The following CACNA1A variants were observed in gnomAD, a reference collection of about 807,000 sequenced individuals.
CACNA1A encodes the protein calcium voltage-gated channel subunit alpha1 A, also known as voltage-dependent P/Q-type calcium channel subunit alpha-1A.
A neutral mutation model predicts 262.4 loss-of-function variants in CACNA1A; 57 were observed. The ratio of observed to expected loss-of-function variants is 0.22; its 90% CI spans 0.18 to 0.27. The LOEUF is 0.27. Among genes scored for constraint, CACNA1A ranks in the 10% least tolerant of loss-of-function variants. The pLI is 1.00. For missense variants in CACNA1A, 2,526 were observed against 3,562.8 expected (o/e 0.71, Z 7.41); for synonymous variants, 1,431 against 1,419.3 (o/e 1.01, Z -0.18).
At chr19:13,303,674 T>G (rs1476977366) in intron 16 of CACNA1A, 61 bp from the exon 17 acceptor site, 1 of 1,565,230 alleles carries the variant, frequency 6.4e-7, no homozygotes, top group Non-Finnish European at 8.8e-7. Context: ...GCCCTGGGTA[T>G]CTGGGTCTCT....
intron 3 of CACNA1A, among the ~76,000 whole-genome samples, chr19:13,411,445 T>C (rs1484019976): frequency 6.6e-6 from 1 of 152,106 alleles, no homozygotes; most frequent in African/African-American, 2.4e-5. Context: ...ATCTGATGGT[T>C]TTATAAATGG....
rs533269839 is a variant in CACNA1A, at chr19:13,307,656, T to G, written c.1986+126A>C. 4.2e-6 allele frequency: 3 copies of G among 711,524 alleles called. No individual in the cohort carries two copies. In the Admixed American group the frequency reaches 7.2e-5, roughly 17 times the overall value. The allele number at this position is 711,524 out of a possible 1,614,324, so 44.1% of individuals were successfully genotyped here. A position where few individuals can be genotyped will look rare whatever the true frequency, so the allele number is the denominator to read the frequency against. On this transcript the variant is annotated intron_variant, in intron 15 of 46. Transcript: ENST00000360228. Reference sequence around the variant, plus strand: ...ATAATGATAACCATAAAATCTGTGTTTCAAAGTGGTGTGAAAAGGCCAGGT... The same window carrying G: ...ATAATGATAACCATAAAATCTGTGTGTCAAAGTGGTGTGAAAAGGCCAGGT...
intron 34 of CACNA1A, among the ~76,000 whole-genome samples, chr19:13,234,176 C>T (rs1435933934): frequency 6.6e-6 from 1 of 151,358 alleles, no homozygotes; most frequent in South Asian, 2.1e-4. Flanking sequence ...GGTGAAACCC[C>T]GACTCTACTA....
Position 13,212,535 on chromosome 19 carries a change from C to G in CACNA1A, c.6051-13G>C. 1 of 1,557,740 alleles carries G rather than the reference C, an allele frequency of 6.4e-7. No individual in the cohort carries two copies. The highest frequency in any genetic ancestry group is 1.4e-5 in the African/African-American group (1 of 73,756). On this transcript the variant is annotated splice_polypyrimidine_tract_variant and intron_variant, in intron 41 of 46. Coordinates refer to ENST00000360228, the MANE Select transcript of CACNA1A (RefSeq NM_001127222.2). This position sits in a 1 kb window ranked among gnomAD's most constrained non-coding sequence, Gnocchi z 5.6. The stretch of plus-strand genomic sequence containing the variant: ...TTCGTGAGCCATCCTGCATGGGGGA[C>G]AGAGGCCGGGGTAGCAGTGGGCGCT...
In CACNA1A at chr19:13,334,416, C is replaced by T. The variant is rs184473835; in HGVS notation, c.1160G>A (p.Arg387His). 1.2e-6 allele frequency: 2 copies of T among 1,609,914 alleles called. No homozygotes were observed. The highest frequency in any genetic ancestry group is 1.7e-5 in the Admixed American group (1 of 59,998). ...LKLRRQQQIE[R>H]ELNGYMEWIS... ...CCACTCCATGTACCCATTGAGCTCA[C>T]GTTCAATCTGTTGTTGCCGCCTCAG... Residue 387 changes from arginine (R) to histidine (H), a missense_variant, in exon 8 of 47, where the codon CGT becomes CAT. Arg to His is a conservative substitution (Grantham distance 29). Coordinates refer to ENST00000360228, the MANE Select transcript of CACNA1A (RefSeq NM_001127222.2).
At chr19:13,358,440 A>T (rs546769004) in intron 6 of CACNA1A, among the ~76,000 whole-genome samples, 16 of 152,208 alleles carry the variant, frequency 1.1e-4, no homozygotes, top group Non-Finnish European at 2.2e-4. Flanking sequence ...ACCCGTGAAG[A>T]GACTGTCCAT....
intron 22 of CACNA1A, among the ~76,000 whole-genome samples, chr19:13,279,611 A>G (rs566931564): frequency 1.3e-5 from 2 of 151,748 alleles, no homozygotes; most frequent in Admixed American, 1.3e-4. Context: ...TCAGCCTCCA[A>G]GTGTCTGGGA....
At chr19:13,487,515 C>G (rs948055952) in intron 1 of CACNA1A, among the ~76,000 whole-genome samples, 2 of 152,144 alleles carry the variant, frequency 1.3e-5, no homozygotes, top group East Asian at 3.9e-4. Flanking sequence ...AGGGAGTGAG[C>G]GCTCAGTGAG....
At chr19:13,297,915 C>T (rs924900202) in intron 19 of CACNA1A, among the ~76,000 whole-genome samples, 1 of 151,976 alleles carries the variant, frequency 6.6e-6, no homozygotes, top group Non-Finnish European at 1.5e-5. Context: ...CAACCTACCT[C>T]CACCTCCCAG....
chr19:13,229,608 T>A (rs2055592690), intron 36 of CACNA1A: 1 of 153,898 alleles, frequency 6.5e-6, no homozygotes, highest in South Asian at 2.0e-4. Flanking sequence ...GTCCTCTCAC[T>A]CCCAGGTTCA....
At chr19:13,238,809 ACTC>A (rs948073843) in intron 31 of CACNA1A, among the ~76,000 whole-genome samples, 1 of 151,564 alleles carries the variant, frequency 6.6e-6, no homozygotes, top group African/African-American at 2.4e-5. Context: ...CTGGTCTCGA[ACTC>A]CTGACCTCAG....
In CACNA1A at chr19:13,208,928, T is replaced by C. The variant is rs1057521770; in HGVS notation, c.6608A>G (p.Lys2203Arg). The C allele has an allele frequency of 9.1e-6, 14 of 1,537,358 alleles. No homozygotes were observed. Among genetic ancestry groups the C allele is most frequent in the Non-Finnish European group, 1.2e-5 (14 of 1,146,860 alleles). ...GTGGTGCTGTCGATGCTTCCGATCCTTGGGCCGGCCCCGCTCCTGGTCCCG... is the reference window on the plus strand; with the variant it reads ...GTGGTGCTGTCGATGCTTCCGATCCCTGGGCCGGCCCCGCTCCTGGTCCCG... ...KERDQERGRPKDRKHRQHHHH... is the reference protein window; with the variant it reads ...KERDQERGRPRDRKHRQHHHH... The change falls in exon 46 of 47, where the codon AAG (lysine) becomes AGG (arginine). Residue 2203 changes from lysine to arginine, a missense_variant. Lys to Arg is a conservative substitution (Grantham distance 26). This residue lies in a region of CACNA1A where 929 missense variants were observed against 868.1 expected (regional missense o/e 1.07). Coordinates refer to ENST00000360228, the MANE Select transcript of CACNA1A (RefSeq NM_001127222.2).
chr19:13,323,783 A>G (rs527505627), intron 10 of CACNA1A, among the ~76,000 whole-genome samples: 11 of 152,044 alleles, frequency 7.2e-5, no homozygotes, highest in Non-Finnish European at 1.6e-4. Context: ...ATACGATCCC[A>G]TTTGTCCATT....
intron 3 of CACNA1A, among the ~76,000 whole-genome samples, chr19:13,440,921 T>C (rs1348552240): frequency 6.6e-6 from 1 of 152,196 alleles, no homozygotes; most frequent in Non-Finnish European, 1.5e-5. Context: ...TTCTCCCACC[T>C]CAGCCTCCTG....
chr19:13,209,143 G>C, intron 45 of CACNA1A, 134 bp from the exon 46 acceptor site: 2 of 1,379,756 alleles, frequency 1.4e-6, no homozygotes, highest in Non-Finnish European at 2.0e-6. Flanking sequence ...CAGTGGGTTG[G>C]GGGGAGGGGG....
At chr19:13,454,694 CA>C (rs1160704818) in intron 2 of CACNA1A, among the ~76,000 whole-genome samples, 4 of 152,270 alleles carry the variant, frequency 2.6e-5, no homozygotes, top group South Asian at 4.1e-4. Flanking sequence ...TTAACATTAA[CA>C]ATGTTCATTT....
intron 1 of CACNA1A, among the ~76,000 whole-genome samples, chr19:13,486,105 A>G (rs1268593765): frequency 3.3e-5 from 5 of 152,182 alleles, no homozygotes; most frequent in African/African-American, 9.7e-5. Context: ...AAAACTCAAA[A>G]CCACATAATA....
chr19:13,431,883 G>T (rs1480306558), intron 3 of CACNA1A, among the ~76,000 whole-genome samples: 2 of 151,820 alleles, frequency 1.3e-5, no homozygotes, highest in African/African-American at 4.8e-5. Flanking sequence ...GAGGCAGGCA[G>T]ATCACGAGAT....
rs533249184 is a variant in CACNA1A, at chr19:13,433,803, C to T, written c.539+19073G>A. 4.3e-4 allele frequency among the ~76,000 whole-genome samples: 65 copies of T among 152,296 alleles called. No individual in the cohort carries two copies. The Middle Eastern group carries it at 0.014, about 32-fold the overall frequency. ...GTTGCAGTGTGTCTAGCTAACCTCT[C>T]CTGGGCAACACTGCATCATCCAGTG... On this transcript the variant is annotated intron_variant, in intron 3 of 46. Coordinates refer to ENST00000360228, the MANE Select transcript of CACNA1A (RefSeq NM_001127222.2).
Sources: gnomAD v4.1 joint callset for allele counts (sites outside exome capture counted in the v4.1 genomes callset) on GRCh38, gnomAD v4.1.1 for gene constraint, gnomAD v4.1.1 regional missense constraint, Gnocchi (gnomAD v3.1) non-coding constraint, MANE v1.5 for transcripts, NCBI Gene and HGNC (gene_info 2026-07-23, HGNC 2026-07-21) for gene names.